Variants in HDAC9 observed in about 807,000 individuals in gnomAD.
The protein encoded by HDAC9 is histone deacetylase 9.
Under a neutral mutation model 139.4 loss-of-function variants are expected in HDAC9, and 41 were observed. The observed-to-expected ratio is 0.29, with a 90% CI of 0.23 to 0.38. The LOEUF (loss-of-function observed/expected upper bound fraction) is 0.38. Ranked by LOEUF, HDAC9 falls within the 10% of genes least tolerant of loss-of-function variation. The pLI is 1.00. For missense variants in HDAC9, 1,147 were observed against 1,297.0 expected (o/e 0.88, Z 1.78); for synonymous variants, 517 against 476.2 (o/e 1.09, Z -1.12).
intron 22 of HDAC9, among the ~76,000 whole-genome samples, chr7:18,896,263 TTTA>T (rs1261470481): frequency 1.3e-5 from 2 of 152,092 alleles, no homozygotes; most frequent in African/African-American, 4.8e-5. Flanking sequence ...AATTTGAAGA[TTTA>T]TTAGCATTTG....
chr7:18,351,370 G>T (rs1782834857), intron 1 of HDAC9, among the ~76,000 whole-genome samples: 1 of 151,858 alleles, frequency 6.6e-6, no homozygotes, highest in African/African-American at 2.4e-5. Context: ...ATTTCATTCT[G>T]TCTTCCAACA....
chr7:18,290,509 A>G (rs1797735515), exon 1 of HDAC9: 4 of 456,650 alleles, frequency 8.8e-6, no homozygotes, highest in South Asian at 4.6e-5. Context: ...AATGCACAAC[A>G]AAACGGGTAA....
intron 2 of HDAC9, among the ~76,000 whole-genome samples, chr7:18,201,557 G>T (rs1791129284): frequency 6.6e-6 from 1 of 152,186 alleles, no homozygotes; most frequent in African/African-American, 2.4e-5. Context: ...CCCTCAGGGA[G>T]GACTAGCTGA....
At chr7:18,099,486 A>G (rs927442313) in intron 1 of HDAC9, among the ~76,000 whole-genome samples, 1 of 152,108 alleles carries the variant, frequency 6.6e-6, no homozygotes, top group Non-Finnish European at 1.5e-5. Context: ...AAAGAAAAAA[A>G]AAATAAAGTT....
intron 17 of HDAC9, among the ~76,000 whole-genome samples, chr7:18,811,184 G>T (rs1236252983): frequency 1.3e-5 from 2 of 151,570 alleles, no homozygotes; most frequent in South Asian, 4.2e-4. Context: ...CAATTTTATT[G>T]ATCTTCTACC....
intron 22 of HDAC9, among the ~76,000 whole-genome samples, chr7:18,885,108 G>A (rs750234628): frequency 2.6e-5 from 4 of 152,194 alleles, no homozygotes; most frequent in South Asian, 2.1e-4. Context: ...CTTTCTGCTC[G>A]AAACATTCTG....
intron 11 of HDAC9, among the ~76,000 whole-genome samples, chr7:18,660,210 A>G (rs1045682434): frequency 5.3e-5 from 8 of 152,154 alleles, no homozygotes; most frequent in Non-Finnish European, 7.4e-5. Flanking sequence ...TTCCACTGTG[A>G]CAAATTTGAC....
At chr7:18,357,549 T>C (rs1184741107) in intron 1 of HDAC9, among the ~76,000 whole-genome samples, 3 of 152,092 alleles carry the variant, frequency 2.0e-5, no homozygotes, top group African/African-American at 7.2e-5. Flanking sequence ...GACAAAACAG[T>C]ATATAAACAA....
chr7:18,430,133 A>G (rs1790504651), intron 1 of HDAC9, among the ~76,000 whole-genome samples: 4 of 152,218 alleles, frequency 2.6e-5, no homozygotes. Context: ...CAGGAATGCC[A>G]AAGCTTGGAA....
intron 12 of HDAC9, among the ~76,000 whole-genome samples, chr7:18,700,564 G>C (rs1001876707): frequency 6.6e-6 from 1 of 152,118 alleles, no homozygotes; most frequent in African/African-American, 2.4e-5. Flanking sequence ...GTATTGAGTT[G>C]GCAACCTTTT....
chr7:18,781,654 C>T (rs1161095229), intron 16 of HDAC9, among the ~76,000 whole-genome samples: 1 of 152,062 alleles, frequency 6.6e-6, no homozygotes, highest in Non-Finnish European at 1.5e-5. Context: ...ACTCACACCC[C>T]TTTTCTTACC....
chr7:18,982,393 G>A (rs1420370183), intron 25 of HDAC9, among the ~76,000 whole-genome samples: 2 of 151,806 alleles, frequency 1.3e-5, no homozygotes, highest in East Asian at 1.9e-4. Flanking sequence ...GGCTCCATAA[G>A]GTCTGTATTA....
chr7:18,554,747 A>C (rs1446058374), intron 2 of HDAC9, among the ~76,000 whole-genome samples: 1 of 152,080 alleles, frequency 6.6e-6, no homozygotes, highest in African/African-American at 2.4e-5. Context: ...AAGATAAACT[A>C]AATTGTTATA....
rs1025773809 is a variant in HDAC9, at chr7:18,762,195, G to C, written c.2082G>C (p.Gln694His). 2 of 1,613,416 alleles carry C rather than the reference G, an allele frequency of 1.2e-6. No homozygotes were observed. Among genetic ancestry groups the C allele is most frequent in the Non-Finnish European group, 8.5e-7 (1 of 1,179,650 alleles). Reference sequence around the variant, plus strand: ...GAAAAGCCAGCCTGGAGGAAATACAGCTTGTTCATTCTGAACATCACTCAC... The same window carrying C: ...GAAAAGCCAGCCTGGAGGAAATACACCTTGTTCATTCTGAACATCACTCAC... ...QGRKASLEEI[Q>H]LVHSEHHSLL... Residue 694 changes from glutamine to histidine, a missense_variant, in exon 15 of 26, where the codon CAG becomes CAC. Gln to His is a conservative substitution (Grantham distance 24). This residue lies in a region of HDAC9 where 407 missense variants were observed against 521.5 expected (regional missense o/e 0.78). Coordinates refer to ENST00000686413, the MANE Select transcript of HDAC9 (RefSeq NM_178425.4).
At chr7:18,166,933 A>G (rs1788052023) in intron 2 of HDAC9, among the ~76,000 whole-genome samples, 1 of 152,220 alleles carries the variant, frequency 6.6e-6, no homozygotes, top group Non-Finnish European at 1.5e-5. Context: ...GGCAAATCAA[A>G]TAGGTTATGG....
chr7:18,501,316 A>G (rs549904897), intron 2 of HDAC9, among the ~76,000 whole-genome samples: 2 of 152,168 alleles, frequency 1.3e-5, no homozygotes, highest in East Asian at 3.9e-4. Context: ...GGTGAGATGG[A>G]AGGATGTGAG....
chr7:18,924,376 T>C, intron 22 of HDAC9, among the ~76,000 whole-genome samples: 1 of 152,140 alleles, frequency 6.6e-6, no homozygotes. Context: ...CTGTCTAATT[T>C]AATCTAAATT....
chr7:18,847,195 G>A (rs1796966426), intron 21 of HDAC9, among the ~76,000 whole-genome samples: 1 of 152,114 alleles, frequency 6.6e-6, no homozygotes. Flanking sequence ...GCCACTGTAG[G>A]AAGGCAAAAA....
At chr7:18,406,023 C>T (rs1245362635) in intron 1 of HDAC9, among the ~76,000 whole-genome samples, 2 of 152,102 alleles carry the variant, frequency 1.3e-5, no homozygotes, top group African/African-American at 2.4e-5. Flanking sequence ...TAGTTTTAGA[C>T]CAATCATTGG....
Sources: gnomAD v4.1 joint callset for allele counts (sites outside exome capture counted in the v4.1 genomes callset) on GRCh38, gnomAD v4.1.1 for gene constraint, gnomAD v4.1.1 regional missense constraint, MANE v1.5 for transcripts, NCBI Gene and HGNC (gene_info 2026-07-23, HGNC 2026-07-21) for gene names.